The following SUCLA2 variants were observed in gnomAD, a reference collection of about 807,000 sequenced individuals.
SUCLA2 encodes the protein succinate--CoA ligase [ADP-forming] subunit beta, mitochondrial.
A neutral mutation model predicts 54.8 loss-of-function variants in SUCLA2; 30 were observed. That is an observed-to-expected ratio of 0.55 (90% CI 0.41 to 0.74). The LOEUF (loss-of-function observed/expected upper bound fraction) is 0.74, where lower values mean the gene tolerates loss of function less well. Ranked by LOEUF, SUCLA2 falls within the 30% of genes least tolerant of loss-of-function variation. The probability of loss-of-function intolerance (pLI) is 0.00; values close to 1 mark genes in which losing one functional copy is unlikely to be tolerated. For missense variants in SUCLA2, 476 were observed against 562.9 expected, an observed-to-expected ratio of 0.85 and a Z score of 1.56; for synonymous variants, 172 against 188.9, an observed-to-expected ratio of 0.91 and a Z score of 0.74.
rs777875387 is a variant in SUCLA2 at position 47,954,503 on chromosome 13, T to C, written c.857A>G (p.Lys286Arg). The change falls in exon 7 of 11, where the codon AAG (lysine) becomes AGG (arginine). Residue 286 changes from lysine (K) to arginine (R), a missense_variant. This residue lies in a region of SUCLA2 where 342 missense variants were observed against 444.2 expected (regional missense o/e 0.77). Transcript: ENST00000646932. ...CCAGTCCTGTAGATCAAAGATTTTC[T>C]TTTGGCGATAGGCTGAATTAGAGTC... Reference protein sequence around the residue: ...NFDSNSAYRQKKIFDLQDWTQ... With the variant: ...NFDSNSAYRQRKIFDLQDWTQ... The C allele has an allele frequency of 1.9e-6, 3 of 1,613,812 alleles. No individual in the cohort carries two copies. The African/African-American group carries it at 4.0e-5, about 22-fold the overall frequency.
chr13:47,987,086 G>A (rs1378430334), intron 4 of SUCLA2, among the ~76,000 whole-genome samples: 1 of 152,226 alleles, frequency 6.6e-6, no homozygotes, highest in Non-Finnish European at 1.5e-5. Flanking sequence ...TTATAACCAC[G>A]TATTATTAGT....
intron 6 of SUCLA2, among the ~76,000 whole-genome samples, chr13:47,958,506 A>C (rs1270027782): frequency 6.6e-6 from 1 of 152,254 alleles, no homozygotes. Context: ...ATCTTTACTA[A>C]ACAAGCTAGC....
intron 10 of SUCLA2, among the ~76,000 whole-genome samples, chr13:47,948,068 AAC>A (rs1047395489): frequency 6.6e-6 from 1 of 152,180 alleles, no homozygotes; most frequent in Non-Finnish European, 1.5e-5. Flanking sequence ...TAAAACAAGT[AAC>A]AGTAATTTTT....
chr13:47,996,893 C>T lies in SUCLA2; in HGVS notation c.221G>A (p.Gly74Glu). The T allele has an allele frequency of 3.7e-6, 6 of 1,613,900 alleles. No individual in the cohort carries two copies. The highest frequency in any genetic ancestry group is 1.1e-5 in the South Asian group (1 of 91,074). The change falls in exon 2 of 11, where the codon GGA (glycine) becomes GAA (glutamate). Residue 74 changes from glycine (G) to glutamate (E), a missense_variant. Gly to Glu is a moderately conservative substitution (Grantham distance 98). This residue lies in a region of SUCLA2 where 134 missense variants were observed against 118.7 expected (regional missense o/e 1.13). Transcript: ENST00000646932. ...LQEAGVSVPK[G>E]YVAKSPDEAY... ...TTCATCTGGTGACTTTGCCACATATCCTTTGGGAACGGAGACACCAGCTTC... is the reference window on the plus strand; with the variant it reads ...TTCATCTGGTGACTTTGCCACATATTCTTTGGGAACGGAGACACCAGCTTC...
intron 5 of SUCLA2, 57 bp downstream of exon 5, chr13:47,973,201 GTTATCT>G: frequency 7.1e-7 from 1 of 1,408,518 alleles, no homozygotes; most frequent in Non-Finnish European, 1.0e-6. Context: ...CAGTTGTACG[GTTATCT>G]TTAAGTATCA....
chr13:47,999,354 C>G (rs898136269), intron 1 of SUCLA2, among the ~76,000 whole-genome samples: 3 of 151,998 alleles, frequency 2.0e-5, no homozygotes, highest in African/African-American at 7.3e-5. Flanking sequence ...CTATTTTCAA[C>G]GAAGGTACAC....
chr13:48,001,038 A>T, intron 1 of SUCLA2, 142 bp downstream of exon 1: 1 of 1,494,184 alleles, frequency 6.7e-7, no homozygotes, highest in Non-Finnish European at 9.0e-7. Flanking sequence ...CAGCACTCCC[A>T]GGCAAGTCGC....
intron 10 of SUCLA2, among the ~76,000 whole-genome samples, chr13:47,947,482 G>A (rs193284151): frequency 2.6e-5 from 4 of 152,210 alleles, no homozygotes; most frequent in Admixed American, 6.5e-5. Flanking sequence ...TGGTTGACAC[G>A]TGGAAGTATT....
chr13:48,001,116 A>T, intron 1 of SUCLA2, 64 bp downstream of exon 1: 2 of 1,546,158 alleles, frequency 1.3e-6, no homozygotes, highest in Non-Finnish European at 1.8e-6. Flanking sequence ...GGGCCACGGG[A>T]CCCCTCACAC....
At chr13:47,961,807 A>G (rs1407175145) in intron 6 of SUCLA2, among the ~76,000 whole-genome samples, 1 of 152,174 alleles carries the variant, frequency 6.6e-6, no homozygotes, top group African/African-American at 2.4e-5. Context: ...CTGTGTCTTT[A>G]TGACTGTCTT....
chr13:48,000,401 C>A lies in SUCLA2; in HGVS notation c.90+779G>T, dbSNP rs567266290. Among the ~76,000 whole-genome samples the A allele has an allele frequency of 3.3e-5, 5 of 152,300 alleles. No individual in the cohort carries two copies. In the East Asian group the frequency reaches 9.6e-4, roughly 29 times the overall value. On this transcript the variant is annotated intron_variant, in intron 1 of 10. Transcript: ENST00000646932. The stretch of plus-strand genomic sequence containing the variant: ...GATCTTACCTCCTATATGACCTAGT[C>A]CAAATTACTTGTTCTCTTAACCATA...
chr13:47,951,735 A>G (rs7320461), intron 8 of SUCLA2, among the ~76,000 whole-genome samples: 110,716 of 151,822 alleles, frequency 0.73, 41,333 homozygotes, highest in Non-Finnish European at 0.82. Flanking sequence ...TGGCACCTCA[A>G]GAAAGGAGTA....
In SUCLA2 at chr13:47,949,133, C is replaced by T; in HGVS notation, c.1229-105G>A. On this transcript the variant is annotated intron_variant, in intron 9 of 10. Coordinates refer to ENST00000646932, the MANE Select transcript of SUCLA2 (RefSeq NM_003850.3). ...AAGAATAAAACCTCAACAGAGGAGA[C>T]TTCCATTATTTAGTATAAACACTTC... is the stretch of plus-strand genomic sequence containing the variant. 3 of 1,114,102 alleles carry T rather than the reference C, an allele frequency of 2.7e-6. No homozygotes were observed. In the South Asian group the frequency reaches 3.8e-5, roughly 14 times the overall value. The allele number at this position is 1,114,102 out of a possible 1,614,324, so 69.0% of individuals were successfully genotyped here.
At chr13:47,984,051 T>A (rs1950079961) in intron 4 of SUCLA2, among the ~76,000 whole-genome samples, 1 of 152,196 alleles carries the variant, frequency 6.6e-6, no homozygotes, top group South Asian at 2.1e-4. Flanking sequence ...TAGTTCCACA[T>A]TTAGTCAACA....
intron 1 of SUCLA2, chr13:48,000,919 A>G (rs529457173): frequency 4.4e-6 from 6 of 1,365,262 alleles, no homozygotes; most frequent in Non-Finnish European, 5.7e-6. Flanking sequence ...GCTCCCGCCC[A>G]TCTCTTAGAA....
intron 5 of SUCLA2, among the ~76,000 whole-genome samples, chr13:47,971,065 T>C (rs112312877): frequency 6.6e-6 from 1 of 150,428 alleles, no homozygotes; most frequent in African/African-American, 2.4e-5. Context: ...AAATCAATAA[T>C]AAAAAAAAAG....
intron 5 of SUCLA2, among the ~76,000 whole-genome samples, chr13:47,972,941 G>A (rs368759792): frequency 1.3e-5 from 2 of 151,376 alleles, no homozygotes; most frequent in East Asian, 4.0e-4. Flanking sequence ...AGTAGAGACG[G>A]GGGTTTCACC....
In SUCLA2 at chr13:47,988,583, C is replaced by T; in HGVS notation, c.492G>A (p.Arg164=). The change falls in exon 4 of 11, where the codon AGG becomes AGA. Residue 164 remains arginine (R), a synonymous_variant. Transcript: ENST00000646932. ...TTGTTATTGCAAAGTAGTATTCTCTCCTGGGATATTTTCGCTCACAGACCA... is the reference window on the plus strand; with the variant it reads ...TTGTTATTGCAAAGTAGTATTCTCTTCTGGGATATTTTCGCTCACAGACCA... ...QVLVCERKYP[R]REYYFAITME... The T allele has an allele frequency of 6.2e-7, 1 of 1,613,908 alleles. No individual in the cohort carries two copies. Among genetic ancestry groups the T allele is most frequent in the Non-Finnish European group, 8.5e-7 (1 of 1,179,950 alleles).
chr13:47,960,903 C>T (rs558280832), intron 6 of SUCLA2, among the ~76,000 whole-genome samples: 8 of 152,124 alleles, frequency 5.3e-5, no homozygotes, highest in South Asian at 4.2e-4. Flanking sequence ...GGGATCACTG[C>T]GGAAGAGGTA....
Sources: allele counts gnomAD v4.1 joint callset (sites outside exome capture counted in the v4.1 genomes callset), GRCh38; gene constraint gnomAD v4.1.1; regional missense constraint gnomAD v4.1.1; transcripts MANE v1.5; gene names NCBI Gene and HGNC (gene_info 2026-07-23, HGNC 2026-07-21).